The following SLC25A26 variants were observed in gnomAD, a reference collection of about 807,000 sequenced individuals.
The protein encoded by SLC25A26 is mitochondrial S-adenosylmethionine carrier protein.
A neutral mutation model predicts 37.8 loss-of-function variants in SLC25A26; 36 were observed. That is an observed-to-expected ratio of 0.95 (90% CI 0.73 to 1.26). The LOEUF (loss-of-function observed/expected upper bound fraction) is 1.26, where lower values mean the gene tolerates loss of function less well. Among genes scored for constraint, SLC25A26 ranks in the 50% most tolerant of loss-of-function variants. The pLI, the probability that SLC25A26 is intolerant of heterozygous loss-of-function variation, is 0.00. For missense variants in SLC25A26, 390 were observed against 331.1 expected, an observed-to-expected ratio of 1.18 and a Z score of -1.38; for synonymous variants, 129 against 122.5, an observed-to-expected ratio of 1.05 and a Z score of -0.35.
intron 9 of SLC25A26, chr3:66,371,335 C>A: frequency 6.5e-7 from 1 of 1,549,010 alleles, no homozygotes; most frequent in South Asian, 1.2e-5. Flanking sequence ...CGAGTTGGAT[C>A]ACTTATGTGA....
At chr3:66,228,827 CTT>C (rs2071879378) in intron 1 of SLC25A26, among the ~76,000 whole-genome samples, 2 of 152,172 alleles carry the variant, frequency 1.3e-5, no homozygotes, top group African/African-American at 4.8e-5. Context: ...AATTTGAACA[CTT>C]ATATTTCTCT....
At chr3:66,285,746 C>T (rs76738243) in intron 5 of SLC25A26, among the ~76,000 whole-genome samples, 5,552 of 152,008 alleles carry the variant, frequency 0.037, 326 homozygotes, top group African/African-American at 0.13. Flanking sequence ...AGGCATGAGC[C>T]ACCACGCCTG....
At chr3:66,263,737 C>G (rs1225963594) in intron 5 of SLC25A26, among the ~76,000 whole-genome samples, 2 of 152,088 alleles carry the variant, frequency 1.3e-5, no homozygotes, top group African/African-American at 4.8e-5. Context: ...CGGCTCACTG[C>G]AACCTCCGCC....
intron 1 of SLC25A26, among the ~76,000 whole-genome samples, chr3:66,169,362 C>G (rs1350787833): frequency 6.6e-6 from 1 of 152,204 alleles, no homozygotes; most frequent in African/African-American, 2.4e-5. Flanking sequence ...TTAGACCAAT[C>G]CCTTACCTGT....
chr3:66,203,827 C>T (rs1271913434), intron 1 of SLC25A26, among the ~76,000 whole-genome samples: 16 of 152,268 alleles, frequency 1.1e-4, no homozygotes, highest in African/African-American at 2.4e-4. Context: ...AGTTCAGGTC[C>T]TAGTACTCTA....
At chr3:66,247,124 A>G (rs1005936315) in intron 3 of SLC25A26, among the ~76,000 whole-genome samples, 2 of 152,054 alleles carry the variant, frequency 1.3e-5, no homozygotes, top group Non-Finnish European at 1.5e-5. Context: ...TCAGCCTCCT[A>G]AAGTGCTGGG....
At chr3:66,366,560 T>C (rs375002977) in intron 7 of SLC25A26, among the ~76,000 whole-genome samples, 18 of 152,346 alleles carry the variant, frequency 1.2e-4, no homozygotes, top group African/African-American at 4.3e-4. Context: ...TTTCTTCATA[T>C]TACTTTCATG....
intron 5 of SLC25A26, among the ~76,000 whole-genome samples, chr3:66,331,425 T>C (rs770572940): frequency 2.0e-4 from 31 of 152,206 alleles, no homozygotes; most frequent in Non-Finnish European, 4.3e-4. Context: ...AAAAATCCCA[T>C]TTAGTCATTT....
chr3:66,264,184 A>G (rs9310057), intron 5 of SLC25A26, among the ~76,000 whole-genome samples: 2 of 147,390 alleles, frequency 1.4e-5, no homozygotes, highest in Non-Finnish European at 3.0e-5. Context: ...AGGCAGGAGA[A>G]TTGCTTGAAC....
chr3:66,237,326 A>C (rs991841031), intron 2 of SLC25A26, among the ~76,000 whole-genome samples: 1 of 152,236 alleles, frequency 6.6e-6, no homozygotes, highest in African/African-American at 2.4e-5. Flanking sequence ...TGCACATTAG[A>C]ATCTACTGGG....
intron 6 of SLC25A26, 143 bp downstream of exon 6, chr3:66,346,551 T>A: frequency 2.2e-6 from 1 of 452,912 alleles, no homozygotes; most frequent in Non-Finnish European, 3.9e-6. Flanking sequence ...TTATGTGTGA[T>A]TTACATGCCA....
intron 2 of SLC25A26, among the ~76,000 whole-genome samples, chr3:66,241,167 G>C (rs188179970): frequency 1.3e-5 from 2 of 152,162 alleles, no homozygotes; most frequent in East Asian, 3.9e-4. Context: ...ATGTGTAAGT[G>C]GACCTGTGCG....
At chr3:66,315,270 A>G (rs953315973) in intron 5 of SLC25A26, among the ~76,000 whole-genome samples, 5 of 151,898 alleles carry the variant, frequency 3.3e-5, no homozygotes, top group African/African-American at 1.2e-4. Flanking sequence ...ATTGCTATAA[A>G]TTTCCCTCAT....
At chr3:66,219,850 C>T (rs1046989883), upstream of SLC25A26, among the ~76,000 whole-genome samples, 21 of 152,100 alleles carry the variant, frequency 1.4e-4, no homozygotes, top group African/African-American at 2.2e-4. Context: ...ATAATAGTAC[C>T]GCATGACAAA....
intron 9 of SLC25A26, among the ~76,000 whole-genome samples, chr3:66,373,129 C>T (rs565160866): frequency 1.3e-5 from 2 of 152,300 alleles, no homozygotes; most frequent in South Asian, 4.2e-4. Flanking sequence ...CCGGATGGCC[C>T]CTTTCTGGTT....
At chr3:66,235,680 C>T (rs548445283) in intron 1 of SLC25A26, among the ~76,000 whole-genome samples, 5 of 152,176 alleles carry the variant, frequency 3.3e-5, no homozygotes, top group South Asian at 4.2e-4. Context: ...TTTGGTCTGA[C>T]GTGAAAAGAT....
chr3:66,307,873 A>T (rs977767416), intron 5 of SLC25A26, among the ~76,000 whole-genome samples: 13 of 152,198 alleles, frequency 8.5e-5, no homozygotes, highest in African/African-American at 2.9e-4. Flanking sequence ...CTGTTCTGGT[A>T]CCAGTACCCT....
At chr3:66,339,550 G>A (rs1003239021) in intron 5 of SLC25A26, among the ~76,000 whole-genome samples, 2 of 151,848 alleles carry the variant, frequency 1.3e-5, no homozygotes, top group Non-Finnish European at 3.0e-5. Flanking sequence ...GTTATTTTCT[G>A]TTTTTGTTGC....
chr3:66,372,168 G>A (rs1027040250), intron 9 of SLC25A26, among the ~76,000 whole-genome samples: 3 of 152,202 alleles, frequency 2.0e-5, no homozygotes, highest in African/African-American at 7.2e-5. Flanking sequence ...GTCACATTCA[G>A]TGGCTTTTTT....
Sources: gnomAD v4.1 joint callset for allele counts (sites outside exome capture counted in the v4.1 genomes callset) on GRCh38, gnomAD v4.1.1 for gene constraint, MANE v1.5 for transcripts, NCBI Gene and HGNC (gene_info 2026-07-23, HGNC 2026-07-21) for gene names.